Variants in VAX2 observed in about 807,000 individuals in gnomAD.
VAX2 encodes the protein ventral anterior homeobox 2.
A neutral mutation model predicts 12.5 loss-of-function variants in VAX2; 8 were observed. That is an observed-to-expected ratio of 0.64 (90% CI 0.37 to 1.15). VAX2 has a LOEUF of 1.15. Among genes scored for constraint, VAX2 ranks in the 50% most tolerant of loss-of-function variants. The probability of loss-of-function intolerance (pLI) is 0.01; values close to 1 mark genes in which losing one functional copy is unlikely to be tolerated. For synonymous variants in VAX2, 183 were observed against 187.6 expected, an observed-to-expected ratio of 0.98 and a Z score of 0.20; for missense variants, 476 against 412.9, an observed-to-expected ratio of 1.15 and a Z score of -1.32.
rs782299811 is a variant in VAX2 at position 70,921,197 on chromosome 2, G to A, written c.347G>A (p.Arg116His). The A allele has an allele frequency of 1.6e-5, 26 of 1,613,706 alleles. No homozygotes were observed. The highest frequency in any genetic ancestry group is 1.7e-4 in the Middle Eastern group (1 of 6,060). Residue 116 changes from arginine (R) to histidine (H), a missense_variant, in exon 2 of 3, where the codon CGC becomes CAC. Arg to His is a conservative substitution (Grantham distance 29). Coordinates refer to ENST00000234392, the MANE Select transcript of VAX2 (RefSeq NM_012476.3). ...RTSFTAEQLY[R>H]LEMEFQRCQY... ...TCCTTCACTGCCGAGCAGCTGTACC[G>A]CCTGGAGATGGAGTTCCAGCGCTGC...
chr2:70,923,404 A>G (rs1197274802), intron 2 of VAX2, among the ~76,000 whole-genome samples: 2 of 152,206 alleles, frequency 1.3e-5, no homozygotes, highest in African/African-American at 2.4e-5. Context: ...GGTATGTTCC[A>G]ACCACCAGCA....
At chr2:70,920,854 T>C (rs1339748048) in intron 1 of VAX2, among the ~76,000 whole-genome samples, 1 of 152,100 alleles carries the variant, frequency 6.6e-6, no homozygotes, top group East Asian at 1.9e-4. Context: ...ACCACATTGG[T>C]AGACCTGGCA....
chr2:70,915,854 CT>C, intron 1 of VAX2, among the ~76,000 whole-genome samples: 1 of 152,184 alleles, frequency 6.6e-6, no homozygotes, highest in East Asian at 1.9e-4. Context: ...ACTTCCCATG[CT>C]ATTGTTTCCC....
intron 1 of VAX2, among the ~76,000 whole-genome samples, chr2:70,919,624 T>C (rs1375853885): frequency 6.6e-6 from 1 of 152,152 alleles, no homozygotes. Context: ...GCAGATCACT[T>C]GAACCCAGAA....
intron 2 of VAX2, among the ~76,000 whole-genome samples, chr2:70,922,221 A>G (rs1356622797): frequency 6.6e-6 from 1 of 152,200 alleles, no homozygotes; most frequent in Non-Finnish European, 1.5e-5. Context: ...GCTCTCATAT[A>G]TGAGGGAGAT....
chr2:70,929,291 A>C (rs1328400572), intron 2 of VAX2, among the ~76,000 whole-genome samples: 1 of 152,120 alleles, frequency 6.6e-6, no homozygotes, highest in Admixed American at 6.5e-5. Context: ...CTATCCTGCC[A>C]CCTTTCTCTA....
rs869309305 is a variant in VAX2 at position 70,906,520 on chromosome 2, C to CTTTTTTTTTTTTTTTTT, written c.247+5662_247+5678dup. Among the ~76,000 whole-genome samples, 9 of 60,594 alleles carry CTTTTTTTTTTTTTTTTT rather than the reference C, an allele frequency of 1.5e-4. 2 individuals carry two copies. Among genetic ancestry groups the CTTTTTTTTTTTTTTTTT allele is most frequent in the South Asian group, 9.2e-4 (1 of 1,084 alleles). 39.8% of individuals were successfully genotyped at this position (60,594 alleles called of 152,430 possible). A position where few individuals can be genotyped will look rare whatever the true frequency, so the allele number is the denominator to read the frequency against. On this transcript the variant is annotated intron_variant, in intron 1 of 2. Transcript: ENST00000234392. Reference sequence around the variant, plus strand: ...CTTTCTTTTTTTTTCTTTTCTTTTCCTTTTTTTTTTTTTTTTTTTTTTTTT... The same window carrying CTTTTTTTTTTTTTTTTT: ...CTTTCTTTTTTTTTCTTTTCTTTTCCTTTTTTTTTTTTTTTTTTTTTTTTTTTTTTTTTTTTTTTTTT...
intron 1 of VAX2, among the ~76,000 whole-genome samples, chr2:70,914,358 A>G (rs1679261346): frequency 1.3e-5 from 2 of 152,198 alleles, no homozygotes; most frequent in African/African-American, 2.4e-5. Context: ...CTGAGGCAGG[A>G]GAATCACTTG....
Position 70,904,155 on chromosome 2 carries a change from C to CG in VAX2, c.247+3287_247+3288insG. On this transcript the variant is annotated intron_variant, in intron 1 of 2. Coordinates refer to ENST00000234392, the MANE Select transcript of VAX2 (RefSeq NM_012476.3). The surrounding 1 kb of genome is among the most constrained non-coding windows in gnomAD (Gnocchi z 4.2). The stretch of plus-strand genomic sequence containing the variant: ...ACCCTAAGGCCTGAGAAGGCCGCTC[C>CG]ACACCTCCGCGTGCACAGTCCCTAG... Among the ~76,000 whole-genome samples, 2 of 152,142 alleles carry CG rather than the reference C, an allele frequency of 1.3e-5. No homozygotes were observed. Among genetic ancestry groups the CG allele is most frequent in the Non-Finnish European group, 2.9e-5 (2 of 68,000 alleles).
At chr2:70,905,121 G>A (rs782534179) in intron 1 of VAX2, among the ~76,000 whole-genome samples, 2 of 152,040 alleles carry the variant, frequency 1.3e-5, no homozygotes, top group African/African-American at 2.4e-5. Context: ...GAGATCGGCC[G>A]GGCCGCAGGC....
intron 2 of VAX2, among the ~76,000 whole-genome samples, chr2:70,931,675 G>A (rs1051629852): frequency 1.3e-5 from 2 of 152,180 alleles, no homozygotes; most frequent in African/African-American, 2.4e-5. Context: ...AGAATTCCCC[G>A]CCAAATGGCC....
Position 70,900,677 on chromosome 2 carries a change from G to C in VAX2, c.56G>C (p.Gly19Ala). Reference protein sequence around the residue: ...DRGPARRAESGGGGGRCGDRS... With the variant: ...DRGPARRAESAGGGGRCGDRS... ...GGCCCCGCGCGCCGGGCGGAGTCTG[G>C]TGGCGGCGGTGGGCGCTGCGGAGAC... The change falls in exon 1 of 3, where the codon GGT (glycine) becomes GCT (alanine). Residue 19 changes from glycine (G) to alanine (A), a missense_variant. By Grantham distance (60) the Gly-to-Ala change is moderately conservative (BLOSUM62 0). Transcript: ENST00000234392. 1 of 1,292,916 alleles carries C rather than the reference G, an allele frequency of 7.7e-7. No individual in the cohort carries two copies. The highest frequency in any genetic ancestry group is 2.4e-5 in the South Asian group (1 of 42,400). The allele number at this position is 1,292,916 out of a possible 1,614,324, so 80.1% of individuals were successfully genotyped here.
chr2:70,931,713 C>T (rs1372252240), intron 2 of VAX2, among the ~76,000 whole-genome samples: 1 of 152,260 alleles, frequency 6.6e-6, no homozygotes, highest in Non-Finnish European at 1.5e-5. Flanking sequence ...CCTGCCTGGG[C>T]CTCTCCAGGG....
chr2:70,926,448 A>C, intron 2 of VAX2, among the ~76,000 whole-genome samples: 1 of 152,212 alleles, frequency 6.6e-6, no homozygotes, highest in East Asian at 1.9e-4. Context: ...CACTTAGTCC[A>C]GTTCTCCTTG....
intron 2 of VAX2, among the ~76,000 whole-genome samples, chr2:70,928,624 G>A (rs1488704651): frequency 2.0e-5 from 3 of 152,178 alleles, no homozygotes; most frequent in African/African-American, 7.2e-5. Context: ...AGAGCACCTT[G>A]TAAATGCCTG....
At chr2:70,918,643 T>G (rs782711615) in intron 1 of VAX2, among the ~76,000 whole-genome samples, 8 of 152,192 alleles carry the variant, frequency 5.3e-5, no homozygotes, top group Non-Finnish European at 8.8e-5. Flanking sequence ...ACGCCTGTAA[T>G]CCCAGCACTT....
intron 1 of VAX2, among the ~76,000 whole-genome samples, chr2:70,915,876 C>T (rs1679297268): frequency 6.6e-6 from 1 of 152,034 alleles, no homozygotes; most frequent in Non-Finnish European, 1.5e-5. Context: ...CACATGCAGT[C>T]ATTTGAGTCC....
intron 1 of VAX2, among the ~76,000 whole-genome samples, chr2:70,907,277 AG>A (rs1461510866): frequency 6.6e-6 from 1 of 152,256 alleles, no homozygotes; most frequent in East Asian, 1.9e-4. Context: ...GGCGGCTTAG[AG>A]GCCGGCCTAG....
At chr2:70,922,756 G>A (rs2104778688) in intron 2 of VAX2, among the ~76,000 whole-genome samples, 1 of 152,120 alleles carries the variant, frequency 6.6e-6, no homozygotes, top group South Asian at 2.1e-4. Context: ...AGCTGCCACT[G>A]CAGAGCTCCC....
Sources: gnomAD v4.1 joint callset for allele counts (sites outside exome capture counted in the v4.1 genomes callset) on GRCh38, gnomAD v4.1.1 for gene constraint, Gnocchi (gnomAD v3.1) non-coding constraint, MANE v1.5 for transcripts, NCBI Gene and HGNC (gene_info 2026-07-23, HGNC 2026-07-21) for gene names.